The following NHEJ1 variants were observed in gnomAD, a reference collection of about 807,000 sequenced individuals.
The protein encoded by NHEJ1 is non-homologous end joining factor 1.
In NHEJ1, 22 loss-of-function variants were observed where a neutral mutation model predicts 39.4. The observed-to-expected ratio is 0.56, with a 90% CI of 0.40 to 0.80. The LOEUF (loss-of-function observed/expected upper bound fraction) is 0.80, where lower values mean the gene tolerates loss of function less well. NHEJ1 is among the 30% of genes least tolerant of loss of function. NHEJ1 has a pLI of 0.00. For missense variants in NHEJ1, 329 were observed against 357.1 expected (o/e 0.92, Z 0.63); for synonymous variants, 154 against 135.6 (o/e 1.14, Z -0.94).
At chr2:219,077,650 AT>A (rs55769287) in intron 6 of NHEJ1, among the ~76,000 whole-genome samples, 136 of 145,896 alleles carry the variant, frequency 9.3e-4, no homozygotes, top group Admixed American at 1.3e-3. Context: ...ATGGAGATTA[AT>A]TTTTTTTTTT....
intron 5 of NHEJ1, among the ~76,000 whole-genome samples, chr2:219,100,431 G>C (rs949487212): frequency 6.5e-5 from 9 of 139,204 alleles, no homozygotes; most frequent in Non-Finnish European, 1.1e-4. Flanking sequence ...GGCAAAACTC[G>C]ATCTCTACTA....
At chr2:219,102,435 C>A (rs1949270368) in intron 5 of NHEJ1, 2 of 152,082 alleles carry the variant, frequency 1.3e-5, no homozygotes, top group Admixed American at 1.3e-4. Context: ...TGAAAACTTG[C>A]TGGGTGCAGC....
At position 219,111,135 on chromosome 2, in the gene NHEJ1, G is replaced by GA. The variant is rs1949361652; in HGVS notation, c.589-32930dup. ...TTCCTTAACTAAGGACCAGAGGGGG[G>GA]AAAATCATTTTAAAGATGATTTTAG... is the stretch of plus-strand genomic sequence containing the variant. On this transcript the variant is annotated intron_variant, in intron 5 of 7. Coordinates refer to ENST00000356853, the MANE Select transcript of NHEJ1 (RefSeq NM_024782.3). The surrounding 1 kb of genome is among the most constrained non-coding windows in gnomAD (Gnocchi z 4.1). Among the ~76,000 whole-genome samples the GA allele has an allele frequency of 6.6e-6, 1 of 152,108 alleles. No individual in the cohort carries two copies. The highest frequency in any genetic ancestry group is 6.5e-5 in the Admixed American group (1 of 15,274).
At chr2:219,155,963 C>T (rs1193503964) in intron 3 of NHEJ1, among the ~76,000 whole-genome samples, 4 of 145,746 alleles carry the variant, frequency 2.7e-5, no homozygotes, top group Non-Finnish European at 6.0e-5. Context: ...TAAAAATAAG[C>T]ATCAGGCCGG....
chr2:219,137,589 AAAAC>A (rs1180919623), intron 5 of NHEJ1, among the ~76,000 whole-genome samples: 18 of 139,288 alleles, frequency 1.3e-4, no homozygotes, highest in Admixed American at 1.4e-4. Context: ...AAAAAAAAAA[AAAAC>A]AAAAAAAACT....
intron 7 of NHEJ1, 85 bp from the exon 8 acceptor site, chr2:219,076,540 C>G: frequency 9.2e-7 from 1 of 1,083,150 alleles, no homozygotes; most frequent in Non-Finnish European, 1.4e-6. Flanking sequence ...TCTCATGGCT[C>G]CTGGTTAGGA....
intron 5 of NHEJ1, among the ~76,000 whole-genome samples, chr2:219,094,846 A>G (rs1381893269): frequency 6.6e-6 from 1 of 152,192 alleles, no homozygotes; most frequent in Non-Finnish European, 1.5e-5. Context: ...GTTCATCTCC[A>G]GGTGAGGGGA....
At chr2:219,142,945 C>T (rs866489174) in intron 5 of NHEJ1, among the ~76,000 whole-genome samples, 1 of 152,186 alleles carries the variant, frequency 6.6e-6, no homozygotes, top group Non-Finnish European at 1.5e-5. Flanking sequence ...AGTGGAAAAA[C>T]AAAAGGACCA....
intron 5 of NHEJ1, among the ~76,000 whole-genome samples, chr2:219,142,550 C>A (rs1351881043): frequency 1.3e-5 from 2 of 152,220 alleles, no homozygotes; most frequent in East Asian, 3.8e-4. Context: ...AATAAAGAGC[C>A]CGCCAGCAGC....
chr2:219,154,913 A>G (rs1451769099), intron 3 of NHEJ1, among the ~76,000 whole-genome samples: 1 of 147,288 alleles, frequency 6.8e-6, no homozygotes, highest in African/African-American at 2.5e-5. Flanking sequence ...ATTACATATT[A>G]TATTAATATA....
At chr2:219,133,195 A>G (rs1044330970) in intron 5 of NHEJ1, among the ~76,000 whole-genome samples, 1 of 152,242 alleles carries the variant, frequency 6.6e-6, no homozygotes, top group Non-Finnish European at 1.5e-5. Context: ...CTCAGCCTTT[A>G]TAGATCTCTC....
chr2:219,159,526 C>CATATATATATATGCATATATATATGCAT lies in NHEJ1; in HGVS notation c.1-1165_1-1164insATGCATATATATATGCATATATATATAT, dbSNP rs5838720. Among the ~76,000 whole-genome samples, 35 of 42,102 alleles carry CATATATATATATGCATATATATATGCAT rather than the reference C, an allele frequency of 8.3e-4. 1 individual carries two copies. The South Asian group carries it at 0.016, about 20-fold the overall frequency. The allele number at this position is 42,102 out of a possible 152,430, so 27.6% of individuals were successfully genotyped here. A position where few individuals can be genotyped will look rare whatever the true frequency, so the allele number is the denominator to read the frequency against. ...TGTGACATAACTTTATATATATATGCATATATATATGCATATATATATATG... is the reference window on the plus strand; with the variant it reads ...TGTGACATAACTTTATATATATATGCATATATATATATGCATATATATATGCATATATATATATGCATATATATATATG... On this transcript the variant is annotated intron_variant, in intron 1 of 7. Coordinates refer to ENST00000356853, the MANE Select transcript of NHEJ1 (RefSeq NM_024782.3).
intron 5 of NHEJ1, among the ~76,000 whole-genome samples, chr2:219,136,300 T>C (rs1034845709): frequency 6.6e-6 from 1 of 151,170 alleles, no homozygotes; most frequent in Non-Finnish European, 1.5e-5. Context: ...TTTTTTTTTT[T>C]TTTTTAGAGA....
At chr2:219,135,428 G>A (rs568521074) in intron 5 of NHEJ1, among the ~76,000 whole-genome samples, 52 of 152,020 alleles carry the variant, frequency 3.4e-4, no homozygotes, top group African/African-American at 1.2e-3. Context: ...CCAACACGGT[G>A]AAACCTTGTC....
chr2:219,124,273 G>T (rs1158327228), intron 5 of NHEJ1, among the ~76,000 whole-genome samples: 1 of 152,202 alleles, frequency 6.6e-6, no homozygotes, highest in Non-Finnish European at 1.5e-5. Flanking sequence ...GCCTGAAAAG[G>T]CTGGGAAGCA....
intron 5 of NHEJ1, among the ~76,000 whole-genome samples, chr2:219,104,032 A>G (rs1283044366): frequency 1.3e-5 from 2 of 152,236 alleles, no homozygotes; most frequent in Non-Finnish European, 2.9e-5. Flanking sequence ...TTCTTACCCA[A>G]ACATTTTTTT....
chr2:219,106,362 C>A (rs373848370), intron 5 of NHEJ1, among the ~76,000 whole-genome samples: 1 of 152,202 alleles, frequency 6.6e-6, no homozygotes, highest in Admixed American at 6.5e-5. Flanking sequence ...AGACAGATGG[C>A]CTAAGTGACG....
chr2:219,157,125 A>G (rs1016341435), intron 3 of NHEJ1, among the ~76,000 whole-genome samples: 3 of 152,252 alleles, frequency 2.0e-5, no homozygotes, highest in African/African-American at 4.8e-5. Flanking sequence ...CAAAGAACCT[A>G]TCATACTTTA....
chr2:219,121,730 G>C (rs538429579), intron 5 of NHEJ1, among the ~76,000 whole-genome samples: 48 of 152,048 alleles, frequency 3.2e-4, no homozygotes, highest in African/African-American at 1.0e-3. Context: ...AGAGGTTGAG[G>C]TGGAAGGATC....
Sources: gnomAD v4.1 joint callset for allele counts (sites outside exome capture counted in the v4.1 genomes callset) on GRCh38, gnomAD v4.1.1 for gene constraint, Gnocchi (gnomAD v3.1) non-coding constraint, MANE v1.5 for transcripts, NCBI Gene and HGNC (gene_info 2026-07-23, HGNC 2026-07-21) for gene names.